The following DTD1 variants were observed in gnomAD, a reference collection of about 807,000 sequenced individuals.
DTD1 encodes the protein D-tyrosyl-tRNA deacylase 1 homolog.
Under a neutral mutation model 25.6 loss-of-function variants are expected in DTD1, and 13 were observed. That is an observed-to-expected ratio of 0.51 (90% CI 0.33 to 0.81). The LOEUF (loss-of-function observed/expected upper bound fraction) is 0.81. DTD1 is among the 30% of genes least tolerant of loss of function. DTD1 has a pLI of 0.02. For missense variants in DTD1, 193 were observed against 266.4 expected, an observed-to-expected ratio of 0.72 and a Z score of 1.92; for synonymous variants, 110 against 103.6, an observed-to-expected ratio of 1.06 and a Z score of -0.37.
At chr20:18,646,414 C>G (rs995475606) in intron 4 of DTD1, among the ~76,000 whole-genome samples, 10 of 152,204 alleles carry the variant, frequency 6.6e-5, no homozygotes, top group Non-Finnish European at 1.5e-4. Context: ...ATCTGTCTCT[C>G]TGTTAAAGGC....
At chr20:18,671,419 C>G (rs2060950810) in intron 4 of DTD1, among the ~76,000 whole-genome samples, 2 of 152,192 alleles carry the variant, frequency 1.3e-5, no homozygotes, top group Admixed American at 6.5e-5. Context: ...TATCCCGTCT[C>G]CATCAGCACA....
intron 4 of DTD1, chr20:18,630,929 A>G (rs1000326571): frequency 7.0e-6 from 2 of 286,756 alleles, no homozygotes; most frequent in Non-Finnish European, 1.0e-5. Flanking sequence ...TGTGCCCTTC[A>G]TAGTGCATCC....
chr20:18,646,170 C>T (rs985930399), intron 4 of DTD1, among the ~76,000 whole-genome samples: 7 of 152,208 alleles, frequency 4.6e-5, no homozygotes, highest in African/African-American at 7.2e-5. Flanking sequence ...CTATGTACCC[C>T]GTCTTTGTGG....
intron 3 of DTD1, among the ~76,000 whole-genome samples, chr20:18,601,305 G>A (rs113429685): frequency 1.3e-5 from 2 of 152,232 alleles, no homozygotes; most frequent in African/African-American, 4.8e-5. Flanking sequence ...TTTGAGACCA[G>A]CCTGGGCAAC....
At position 18,749,395 on chromosome 20, in the gene DTD1, G is replaced by A. The variant is rs2061313373; in HGVS notation, c.*19+5124G>A. Reference sequence around the variant, plus strand: ...GGTGGAGGGTGTGGAGGAAAGCTGTGTTGGGTCTGTGGGCTGACTCTCGGT... The same window carrying A: ...GGTGGAGGGTGTGGAGGAAAGCTGTATTGGGTCTGTGGGCTGACTCTCGGT... On this transcript the variant is annotated intron_variant, in intron 5 of 5. Transcript: ENST00000377452. This position sits in a 1 kb window ranked among gnomAD's most constrained non-coding sequence, Gnocchi z 4.2. Among the ~76,000 whole-genome samples, 1 of 152,160 alleles carries A rather than the reference G, an allele frequency of 6.6e-6. No individual in the cohort carries two copies. Among genetic ancestry groups the A allele is most frequent in the African/African-American group, 2.4e-5 (1 of 41,438 alleles).
At chr20:18,591,506 T>A (rs1051918966) in intron 1 of DTD1, among the ~76,000 whole-genome samples, 25 of 152,172 alleles carry the variant, frequency 1.6e-4, no homozygotes, top group African/African-American at 5.8e-4. Flanking sequence ...GCAATATTAT[T>A]ATAAAAATTT....
intron 3 of DTD1, among the ~76,000 whole-genome samples, chr20:18,616,414 C>T (rs1393186171): frequency 6.6e-6 from 1 of 152,038 alleles, no homozygotes; most frequent in African/African-American, 2.4e-5. Context: ...CATTGATTTG[C>T]TTAGTTGATT....
intron 3 of DTD1, among the ~76,000 whole-genome samples, chr20:18,598,330 G>A (rs1161673906): frequency 6.6e-6 from 1 of 152,100 alleles, no homozygotes; most frequent in East Asian, 1.9e-4. Context: ...ATGGCTCATT[G>A]TATTCCATGG....
intron 4 of DTD1, among the ~76,000 whole-genome samples, chr20:18,673,581 C>T (rs772779680): frequency 1.2e-4 from 19 of 152,160 alleles, no homozygotes; most frequent in Admixed American, 8.5e-4. Context: ...AACTCATTAT[C>T]TTCAAAAGCA....
intron 2 of DTD1, among the ~76,000 whole-genome samples, chr20:18,594,847 CT>C (rs1231380931): frequency 1.3e-5 from 2 of 152,164 alleles, no homozygotes; most frequent in Admixed American, 1.3e-4. Context: ...TACTACAGAG[CT>C]AATACTTAGC....
chr20:18,737,252 T>C (rs1212026650), intron 4 of DTD1, among the ~76,000 whole-genome samples: 2 of 148,044 alleles, frequency 1.4e-5, no homozygotes, highest in East Asian at 3.9e-4. Context: ...CCATGTGCCA[T>C]CTGCCACGGT....
chr20:18,640,374 C>T (rs571620147), intron 4 of DTD1, among the ~76,000 whole-genome samples: 6 of 151,928 alleles, frequency 3.9e-5, no homozygotes, highest in Non-Finnish European at 1.5e-5. Flanking sequence ...GTTTAAGATA[C>T]ACTAAAAATA....
chr20:18,727,229 G>A (rs1406165136), intron 4 of DTD1, among the ~76,000 whole-genome samples: 3 of 152,244 alleles, frequency 2.0e-5, no homozygotes, highest in Admixed American at 2.0e-4. Flanking sequence ...GCTCCCGGGG[G>A]TGAGGTGTTG....
chr20:18,625,632 A>G (rs1010932626), intron 3 of DTD1, among the ~76,000 whole-genome samples: 1 of 152,210 alleles, frequency 6.6e-6, no homozygotes, highest in African/African-American at 2.4e-5. Context: ...TCTAGCAGGC[A>G]GTGGCTCCAG....
At chr20:18,708,258 A>ATAT (rs1161658446) in intron 4 of DTD1, among the ~76,000 whole-genome samples, 3 of 30,680 alleles carry the variant, frequency 9.8e-5, no homozygotes, top group Non-Finnish European at 2.0e-4. Flanking sequence ...TATATTATAT[A>ATAT]TATATTTTAT....
At chr20:18,742,690 T>C (rs1340972593) in intron 4 of DTD1, among the ~76,000 whole-genome samples, 1 of 152,160 alleles carries the variant, frequency 6.6e-6, no homozygotes, top group Non-Finnish European at 1.5e-5. Flanking sequence ...CGGTCCCTGG[T>C]GCCAAAAATG....
intron 4 of DTD1, among the ~76,000 whole-genome samples, chr20:18,732,935 A>G (rs1033101293): frequency 6.6e-6 from 1 of 152,224 alleles, no homozygotes; most frequent in Non-Finnish European, 1.5e-5. Context: ...AGAGAGGGCC[A>G]GATAATGAGT....
At chr20:18,614,762 C>T (rs2060702326) in intron 3 of DTD1, among the ~76,000 whole-genome samples, 1 of 152,088 alleles carries the variant, frequency 6.6e-6, no homozygotes, top group African/African-American at 2.4e-5. Flanking sequence ...CTTCCTGTGT[C>T]CCAGCAAGCT....
intron 4 of DTD1, among the ~76,000 whole-genome samples, chr20:18,701,357 G>A (rs984631606): frequency 6.6e-6 from 1 of 152,254 alleles, no homozygotes; most frequent in African/African-American, 2.4e-5. Context: ...TATAGCAAAT[G>A]TCTTTTAGAA....
Sources: gnomAD v4.1 joint callset for allele counts (sites outside exome capture counted in the v4.1 genomes callset) on GRCh38, gnomAD v4.1.1 for gene constraint, Gnocchi (gnomAD v3.1) non-coding constraint, MANE v1.5 for transcripts, NCBI Gene and HGNC (gene_info 2026-07-23, HGNC 2026-07-21) for gene names.